The following BMP5 variants were observed in gnomAD, a reference collection of about 807,000 sequenced individuals.
The protein encoded by BMP5 is bone morphogenetic protein 5.
In BMP5, 23 loss-of-function variants were observed where a neutral mutation model predicts 46.6. The ratio of observed to expected loss-of-function variants is 0.49; its 90% CI spans 0.35 to 0.70. BMP5 has a LOEUF of 0.70. Among genes scored for constraint, BMP5 ranks in the 30% least tolerant of loss-of-function variants. The pLI, the probability that BMP5 is intolerant of heterozygous loss-of-function variation, is 0.00. For missense variants in BMP5, 545 were observed against 565.6 expected (o/e 0.96, Z 0.37); for synonymous variants, 204 against 191.9 (o/e 1.06, Z -0.52).
chr6:55,791,657 G>A (rs2127527885), intron 3 of BMP5, among the ~76,000 whole-genome samples: 1 of 152,020 alleles, frequency 6.6e-6, no homozygotes, highest in South Asian at 2.1e-4. Context: ...CAACATAGAA[G>A]TTAAATTATG....
chr6:55,780,812 T>C (rs1365743102), intron 3 of BMP5, among the ~76,000 whole-genome samples: 1 of 151,992 alleles, frequency 6.6e-6, no homozygotes, highest in Non-Finnish European at 1.5e-5. Context: ...ACAGAGAAGC[T>C]GAGAACTGTA....
chr6:55,764,880 C>T (rs1774884118), intron 4 of BMP5, among the ~76,000 whole-genome samples: 1 of 151,824 alleles, frequency 6.6e-6, no homozygotes. Context: ...TTGTAGTGTT[C>T]GATAATAGCA....
In BMP5 at chr6:55,836,866, C is replaced by T. The variant is rs186098034; in HGVS notation, c.491-17019G>A. Among the ~76,000 whole-genome samples the T allele has an allele frequency of 3.9e-5, 6 of 152,118 alleles. No homozygotes were observed. In the South Asian group the frequency reaches 6.2e-4, roughly 16 times the overall value. On this transcript the variant is annotated intron_variant, in intron 1 of 6. Transcript: ENST00000370830. ...TGTTGTTTCACACTAAAATCTAAAA[C>T]GCTTCTTAAAGTTAACTACAGGGAT... is the stretch of plus-strand genomic sequence containing the variant.
At chr6:55,791,312 C>T (rs1301113057) in intron 3 of BMP5, among the ~76,000 whole-genome samples, 1 of 152,190 alleles carries the variant, frequency 6.6e-6, no homozygotes, top group Non-Finnish European at 1.5e-5. Context: ...AAGGCCCTAT[C>T]TCTTCCACCT....
At chr6:55,802,511 A>G (rs928979161) in intron 2 of BMP5, among the ~76,000 whole-genome samples, 9 of 152,088 alleles carry the variant, frequency 5.9e-5, no homozygotes, top group Admixed American at 5.2e-4. Context: ...AATGGCCCAG[A>G]CACTTCAACA....
At chr6:55,768,831 T>C (rs573068356) in intron 4 of BMP5, among the ~76,000 whole-genome samples, 2 of 151,944 alleles carry the variant, frequency 1.3e-5, no homozygotes, top group African/African-American at 4.8e-5. Flanking sequence ...TGAATTTAGT[T>C]CCAGACCACT....
At chr6:55,782,255 T>G (rs920490755) in intron 3 of BMP5, among the ~76,000 whole-genome samples, 3 of 152,172 alleles carry the variant, frequency 2.0e-5, no homozygotes, top group Non-Finnish European at 2.9e-5. Context: ...ATATGTGCAA[T>G]ATTGTTTCAA....
At chr6:55,772,163 G>T (rs1210681164) in intron 4 of BMP5, among the ~76,000 whole-genome samples, 1 of 151,774 alleles carries the variant, frequency 6.6e-6, no homozygotes, top group Admixed American at 6.6e-5. Flanking sequence ...AGAAAATATT[G>T]GTCTATATTA....
chr6:55,864,025 T>G (rs1777581864), intron 1 of BMP5, among the ~76,000 whole-genome samples: 1 of 151,876 alleles, frequency 6.6e-6, no homozygotes, highest in East Asian at 1.9e-4. Flanking sequence ...TAACCGTGAA[T>G]GCATCACACA....
rs1776853551 is a variant in BMP5 at position 55,837,787 on chromosome 6, T to C, written c.491-17940A>G. ...TTTTTTGTACCCATTAACCAAACCA[T>C]CCCCATCTCCCTGCCAGCCTCCCAC... is the stretch of plus-strand genomic sequence containing the variant. On this transcript the variant is annotated intron_variant, in intron 1 of 6. Coordinates refer to ENST00000370830, the MANE Select transcript of BMP5 (RefSeq NM_021073.4). Among the ~76,000 whole-genome samples the C allele has an allele frequency of 5.3e-5, 8 of 152,214 alleles. 1 individual carries two copies. The South Asian group carries it at 1.7e-3, about 32-fold the overall frequency.
At chr6:55,776,178 A>G (rs1451913260) in intron 3 of BMP5, among the ~76,000 whole-genome samples, 1 of 152,006 alleles carries the variant, frequency 6.6e-6, no homozygotes, top group East Asian at 1.9e-4. Flanking sequence ...TTTTTTAGAA[A>G]AACTCTATCA....
chr6:55,799,936 G>A (rs1775803647), intron 2 of BMP5, among the ~76,000 whole-genome samples: 1 of 152,122 alleles, frequency 6.6e-6, no homozygotes, highest in Non-Finnish European at 1.5e-5. Flanking sequence ...TTTTTAAAAA[G>A]CACTTATATA....
chr6:55,798,394 A>AT (rs1775767890), intron 2 of BMP5, among the ~76,000 whole-genome samples: 1 of 152,218 alleles, frequency 6.6e-6, no homozygotes, highest in African/African-American at 2.4e-5. Flanking sequence ...GTCTGTCTTT[A>AT]TTGACAACAT....
chr6:55,855,861 C>G (rs1185176967), intron 1 of BMP5, among the ~76,000 whole-genome samples: 4 of 151,982 alleles, frequency 2.6e-5, no homozygotes, highest in African/African-American at 4.8e-5. Context: ...TTTTAAATAG[C>G]TCTTTTATAT....
chr6:55,756,017 T>C (rs1023595139), intron 6 of BMP5, among the ~76,000 whole-genome samples: 6 of 151,932 alleles, frequency 3.9e-5, no homozygotes, highest in Non-Finnish European at 8.8e-5. Context: ...AAATAACTGT[T>C]CCTATATATA....
intron 4 of BMP5, among the ~76,000 whole-genome samples, chr6:55,760,905 T>C (rs1248647350): frequency 6.6e-6 from 1 of 151,902 alleles, no homozygotes; most frequent in African/African-American, 2.4e-5. Flanking sequence ...AGAGAGATTA[T>C]ATATATATAA....
intron 1 of BMP5, among the ~76,000 whole-genome samples, chr6:55,866,996 A>T (rs183757499): frequency 3.2e-4 from 49 of 152,178 alleles, no homozygotes; most frequent in Non-Finnish European, 4.4e-4. Flanking sequence ...CTTGCTGACT[A>T]AACAACCAAT....
Position 55,872,127 on chromosome 6 carries a change from T to C in BMP5, c.490+2249A>G, listed in dbSNP as rs556075615. On this transcript the variant is annotated intron_variant, in intron 1 of 6. Coordinates refer to ENST00000370830, the MANE Select transcript of BMP5 (RefSeq NM_021073.4). The stretch of plus-strand genomic sequence containing the variant: ...AAAAGAAATGCAAAAGTTGAAGCTT[T>C]TTACTAAGCAGTGATCAACTATAAA... Among the ~76,000 whole-genome samples the C allele has an allele frequency of 6.6e-5, 10 of 151,914 alleles. No homozygotes were observed. In the East Asian group the frequency reaches 1.9e-3, roughly 29 times the overall value.
chr6:55,848,582 G>T (rs563386229), intron 1 of BMP5, among the ~76,000 whole-genome samples: 2 of 151,942 alleles, frequency 1.3e-5, no homozygotes, highest in Admixed American at 6.6e-5. Flanking sequence ...CTAGCAAGTA[G>T]TTAGAGGTTA....
Sources: gnomAD v4.1 joint callset for allele counts (sites outside exome capture counted in the v4.1 genomes callset) on GRCh38, gnomAD v4.1.1 for gene constraint, MANE v1.5 for transcripts, NCBI Gene and HGNC (gene_info 2026-07-23, HGNC 2026-07-21) for gene names.